DACH1: variants seen among roughly 807,000 people sequenced by gnomAD.
DACH1 encodes dachshund homolog 1.
DACH1 carries 12 observed loss-of-function variants against 54.2 expected under a neutral mutation model. The ratio of observed to expected loss-of-function variants is 0.22; its 90% confidence interval spans 0.14 to 0.36. DACH1 has a LOEUF of 0.36. DACH1 is among the 10% of genes least tolerant of loss of function. The pLI is 1.00. For missense variants in DACH1, 805 were observed against 929.8 expected, an observed-to-expected ratio of 0.87 and a Z score of 1.75; for synonymous variants, 386 against 366.2, an observed-to-expected ratio of 1.05 and a Z score of -0.62.
At chr13:71,738,659 G>A (rs1594160098) in intron 1 of DACH1, among the ~76,000 whole-genome samples, 1 of 146,112 alleles carries the variant, frequency 6.8e-6, no homozygotes, top group Admixed American at 7.1e-5. Flanking sequence ...TTGAACCGGG[G>A]AGGCAGAGGT....
intron 2 of DACH1, among the ~76,000 whole-genome samples, chr13:71,644,235 C>T (rs1878117819): frequency 6.6e-6 from 1 of 152,150 alleles, no homozygotes; most frequent in Non-Finnish European, 1.5e-5. Context: ...AGAAATCCTT[C>T]CTCTGTCATC....
chr13:71,742,111 C>T (rs925027957), intron 1 of DACH1, among the ~76,000 whole-genome samples: 10 of 152,204 alleles, frequency 6.6e-5, no homozygotes, highest in South Asian at 6.2e-4. Flanking sequence ...CAGGGGTTTC[C>T]GCTTTTGCTT....
At chr13:71,790,590 A>C (rs1886793366) in intron 1 of DACH1, among the ~76,000 whole-genome samples, 1 of 152,174 alleles carries the variant, frequency 6.6e-6, no homozygotes, top group Non-Finnish European at 1.5e-5. Flanking sequence ...TCTAGAGTTA[A>C]ATATTATGAG....
intron 10 of DACH1, among the ~76,000 whole-genome samples, chr13:71,468,272 A>T (rs1206082974): frequency 6.6e-6 from 1 of 152,180 alleles, no homozygotes; most frequent in East Asian, 1.9e-4. Context: ...TAACATCTAA[A>T]ACTTAACTGT....
At chr13:71,786,419 GAAGTATATTTTGTCAGATGAGAAACA>G (rs376703771) in intron 1 of DACH1, among the ~76,000 whole-genome samples, 15 of 152,238 alleles carry the variant, frequency 9.9e-5, no homozygotes, top group African/African-American at 3.6e-4. Flanking sequence ...CCAGGCAGGT[GAAGTATATTTTGTCAGATGAGAAACA>G]AATTAAAATA....
intron 1 of DACH1, among the ~76,000 whole-genome samples, chr13:71,759,688 T>A (rs897313192): frequency 2.6e-5 from 4 of 152,214 alleles, no homozygotes; most frequent in Non-Finnish European, 5.9e-5. Flanking sequence ...CATGTTATAA[T>A]GAGGCATGGA....
chr13:71,510,857 T>C (rs1880722007), intron 6 of DACH1, among the ~76,000 whole-genome samples: 1 of 151,998 alleles, frequency 6.6e-6, no homozygotes, highest in Non-Finnish European at 1.5e-5. Flanking sequence ...ATCTCTATAC[T>C]AGATCTTTGA....
chr13:71,861,803 T>C (rs1389145541), intron 1 of DACH1, among the ~76,000 whole-genome samples: 1 of 151,416 alleles, frequency 6.6e-6, no homozygotes, highest in Non-Finnish European at 1.5e-5. Flanking sequence ...TGTTAAACTT[T>C]CTATATCAAT....
At chr13:71,769,136 T>A (rs950446357) in intron 1 of DACH1, among the ~76,000 whole-genome samples, 1 of 151,786 alleles carries the variant, frequency 6.6e-6, no homozygotes, top group Non-Finnish European at 1.5e-5. Context: ...GAATAGCAAC[T>A]TGAGCCAGAT....
intron 1 of DACH1, among the ~76,000 whole-genome samples, chr13:71,756,703 C>T (rs1240234245): frequency 6.6e-6 from 1 of 151,978 alleles, no homozygotes; most frequent in Non-Finnish European, 1.5e-5. Flanking sequence ...TAATACAAAA[C>T]AATCATCTTT....
At chr13:71,809,582 A>AT (rs1033344392) in intron 1 of DACH1, among the ~76,000 whole-genome samples, 36 of 152,284 alleles carry the variant, frequency 2.4e-4, no homozygotes, top group African/African-American at 7.7e-4. Flanking sequence ...TATAAGGAAT[A>AT]TTTTTTTAAA....
chr13:71,491,499 C>T (rs1159557143), intron 6 of DACH1, among the ~76,000 whole-genome samples: 1 of 152,130 alleles, frequency 6.6e-6, no homozygotes, highest in Non-Finnish European at 1.5e-5. Context: ...TTGTTACAAA[C>T]TTATCTAATT....
At chr13:71,690,807 C>T (rs1881441010) in intron 1 of DACH1, among the ~76,000 whole-genome samples, 1 of 152,032 alleles carries the variant, frequency 6.6e-6, no homozygotes, top group Admixed American at 6.6e-5. Flanking sequence ...TGGTGCATGC[C>T]TGTAGTCCCA....
At chr13:71,512,232 C>T (rs1247150893) in intron 6 of DACH1, among the ~76,000 whole-genome samples, 1 of 151,810 alleles carries the variant, frequency 6.6e-6, no homozygotes, top group Non-Finnish European at 1.5e-5. Flanking sequence ...CTGCTATAAC[C>T]CATTTTCCTG....
chr13:71,465,683 C>A (rs1166981473), intron 10 of DACH1, among the ~76,000 whole-genome samples: 3 of 151,742 alleles, frequency 2.0e-5, no homozygotes, highest in Non-Finnish European at 2.9e-5. Flanking sequence ...TAAAAAAACT[C>A]AAAGCAAAAC....
intron 1 of DACH1, among the ~76,000 whole-genome samples, chr13:71,827,486 G>A (rs893066066): frequency 6.6e-6 from 1 of 152,094 alleles, no homozygotes. Context: ...CCAAACTTGA[G>A]AAAACATTCA....
chr13:71,807,955 T>C (rs1887575790), intron 1 of DACH1, among the ~76,000 whole-genome samples: 1 of 152,158 alleles, frequency 6.6e-6, no homozygotes, highest in African/African-American at 2.4e-5. Flanking sequence ...AATGTCAACC[T>C]TATCAAATAA....
At chr13:71,679,205 C>T (rs986400422) in intron 2 of DACH1, among the ~76,000 whole-genome samples, 3 of 152,146 alleles carry the variant, frequency 2.0e-5, no homozygotes, top group Non-Finnish European at 4.4e-5. Context: ...TTCGGTGTCT[C>T]TGTTCACCAA....
At chr13:71,657,053 T>C (rs769311207) in intron 2 of DACH1, among the ~76,000 whole-genome samples, 17 of 149,768 alleles carry the variant, frequency 1.1e-4, no homozygotes, top group Non-Finnish European at 1.8e-4. Context: ...TGTGTGTGTG[T>C]GCATATACAT....
Sources: allele counts gnomAD v4.1 joint callset (sites outside exome capture counted in the v4.1 genomes callset), GRCh38; gene constraint gnomAD v4.1.1; transcripts MANE v1.5; gene names NCBI Gene and HGNC (gene_info 2026-07-23, HGNC 2026-07-21).